Variants in SLC11A2 observed in about 807,000 individuals in gnomAD.
The protein encoded by SLC11A2 is natural resistance-associated macrophage protein 2.
In SLC11A2, 38 loss-of-function variants were observed where a neutral mutation model predicts 68.0. The ratio of observed to expected loss-of-function variants is 0.56; its 90% CI spans 0.43 to 0.73. The LOEUF is 0.73. Ranked by LOEUF, SLC11A2 falls within the 30% of genes least tolerant of loss-of-function variation. The pLI is 0.00. For synonymous variants in SLC11A2, 242 were observed against 250.6 expected (o/e 0.97, Z 0.32); for missense variants, 517 against 690.5 (o/e 0.75, Z 2.82).
At chr12:50,953,784 T>C in the SLC11A2 span, 7 of 503,936 alleles carry the variant, frequency 1.4e-5, no homozygotes, top group Admixed American at 3.4e-5. Context: ...ATTTCCTCTA[T>C]GTATTTTTTT....
At chr12:50,981,652 G>T, downstream of SLC11A2, 1 of 946,292 alleles carries the variant, frequency 1.1e-6, no homozygotes, top group Non-Finnish European at 1.6e-6. Context: ...TGAACTAACA[G>T]AGACGTTAAC....
chr12:50,986,742 C>G lies in SLC11A2; in HGVS notation c.*1583G>C. On this transcript the variant is annotated 3_prime_UTR_variant, in exon 16 of 16. Coordinates refer to ENST00000262052, the MANE Select transcript of SLC11A2 (RefSeq NM_000617.3). ...TGGTTAGGGGAATTGTCATTCATAA[C>G]TCTGTGCTATATTACTTGAGGGGCT... 2 of 1,287,094 alleles carry G rather than the reference C, an allele frequency of 1.6e-6. No homozygotes were observed. The highest frequency in any genetic ancestry group is 2.0e-6 in the Non-Finnish European group (2 of 988,646). 79.7% of individuals were successfully genotyped at this position (1,287,094 alleles called of 1,614,324 possible).
the SLC11A2 span, among the ~76,000 whole-genome samples, chr12:50,972,175 C>T: frequency 6.6e-6 from 1 of 152,188 alleles, no homozygotes; most frequent in African/African-American, 2.4e-5. Context: ...AAAAGTATTT[C>T]TAACCAGGCC....
intron 3 of SLC11A2, chr12:51,005,819 G>T: frequency 1.9e-6 from 1 of 524,446 alleles, no homozygotes; most frequent in Non-Finnish European, 3.1e-6. Context: ...GGACACTGAG[G>T]AGAGCAAACA....
intron 6 of SLC11A2, 69 bp downstream of exon 6, chr12:51,000,244 G>GT (rs1942085345): frequency 8.7e-7 from 1 of 1,148,760 alleles, no homozygotes; most frequent in African/African-American, 1.5e-5. Flanking sequence ...AATGAATTGG[G>GT]TTTTTGTTTT....
intron 3 of SLC11A2, among the ~76,000 whole-genome samples, chr12:51,007,129 T>C (rs1942795573): frequency 6.6e-6 from 1 of 152,146 alleles, no homozygotes; most frequent in Non-Finnish European, 1.5e-5. Flanking sequence ...TTGTCCCACC[T>C]TTCCTGATGG....
At position 50,991,659 on chromosome 12, in the gene SLC11A2, A is replaced by C; in HGVS notation, c.1361T>G (p.Leu454Arg). The change falls in exon 14 of 16, where the codon CTC becomes CGC. Residue 454 changes from leucine to arginine, a missense_variant. Transcript: ENST00000262052. ...VLQSLQLPFA[L>R]IPILTFTSLR... ...GCTCGTAAATGTGAGGATGGGTATG[A>C]GAGCAAAGGGAAGCTGGAAAAGAAA... The C allele has an allele frequency of 6.2e-7, 1 of 1,613,802 alleles. No individual in the cohort carries two copies. The highest frequency in any genetic ancestry group is 8.5e-7 in the Non-Finnish European group (1 of 1,179,836).
chr12:50,971,100 G>C, the SLC11A2 span, among the ~76,000 whole-genome samples: 1 of 152,054 alleles, frequency 6.6e-6, no homozygotes, highest in African/African-American at 2.4e-5. Context: ...GGCTGGTCTC[G>C]AACTCCTGAC....
At chr12:50,977,443 A>C (rs1277977344), downstream of SLC11A2, among the ~76,000 whole-genome samples, 1 of 152,244 alleles carries the variant, frequency 6.6e-6, no homozygotes, top group African/African-American at 2.4e-5. Context: ...GGTTAGCCAT[A>C]TGTAGAAAGC....
the SLC11A2 span, among the ~76,000 whole-genome samples, chr12:50,954,667 G>A: frequency 0.18 from 27,655 of 151,716 alleles, 2,883 homozygotes; most frequent in East Asian, 0.5. Flanking sequence ...TGCAGGTTGC[G>A]GTGAGCCAAG....
At chr12:51,015,658 G>A (rs556935468) in intron 1 of SLC11A2, among the ~76,000 whole-genome samples, 3 of 152,160 alleles carry the variant, frequency 2.0e-5, no homozygotes, top group South Asian at 2.1e-4. Context: ...CAGTTACTTC[G>A]TCACATTAAG....
chr12:50,969,225 C>T, the SLC11A2 span, among the ~76,000 whole-genome samples: 4 of 151,848 alleles, frequency 2.6e-5, no homozygotes. Context: ...ATCTGGGAGG[C>T]GGAGGCTGCA....
At chr12:51,000,206 A>G (rs1942083149) in intron 6 of SLC11A2, 107 bp downstream of exon 6, 2 of 799,592 alleles carry the variant, frequency 2.5e-6, no homozygotes, top group African/African-American at 3.4e-5. Context: ...AGAAGAAATA[A>G]CAATTGAGTT....
intron 3 of SLC11A2, chr12:51,006,112 T>C (rs1350820525): frequency 5.6e-6 from 1 of 179,526 alleles, no homozygotes; most frequent in African/African-American, 2.4e-5. Context: ...TGACCAACAC[T>C]TTAGTAGAGA....
chr12:51,017,969 A>C (rs755464369), intron 1 of SLC11A2, among the ~76,000 whole-genome samples: 24 of 152,190 alleles, frequency 1.6e-4, no homozygotes, highest in Non-Finnish European at 3.1e-4. Context: ...AATTATATGA[A>C]AATTAAGTTA....
In SLC11A2 at chr12:50,986,228, C is replaced by G; in HGVS notation, c.*2097G>C. The G allele has an allele frequency of 1.6e-6, 2 of 1,283,346 alleles. No individual in the cohort carries two copies. The highest frequency in any genetic ancestry group is 2.0e-6 in the Non-Finnish European group (2 of 985,150). The allele number at this position is 1,283,346 out of a possible 1,614,324, so 79.5% of individuals were successfully genotyped here. A position where few individuals can be genotyped will look rare whatever the true frequency, so the allele number is the denominator to read the frequency against. ...GTACAATTGTATATCCTTAAACATT[C>G]CACATAAACACACTGTCAAAACTCA... On this transcript the variant is annotated 3_prime_UTR_variant, in exon 16 of 16. Coordinates refer to ENST00000262052, the MANE Select transcript of SLC11A2 (RefSeq NM_000617.3).
intron 2 of SLC11A2, chr12:51,009,097 C>T: frequency 7.4e-7 from 1 of 1,358,658 alleles, no homozygotes; most frequent in Non-Finnish European, 1.0e-6. Context: ...TCCCCACCTC[C>T]TATATTTGGT....
At chr12:50,962,407 A>G in the SLC11A2 span, among the ~76,000 whole-genome samples, 3 of 149,438 alleles carry the variant, frequency 2.0e-5, no homozygotes, top group Non-Finnish European at 3.0e-5. Context: ...GTGAAACTCC[A>G]TCTAAAAAAA....
In SLC11A2 at chr12:50,988,136, A is replaced by G. The variant is rs927684512; in HGVS notation, c.*189T>C. Reference sequence around the variant, plus strand: ...AAAGATCCCACCCTAATCCAGTTCTAAGGTTAGGTCAGGAAGGAAAAAATA... The same window carrying G: ...AAAGATCCCACCCTAATCCAGTTCTGAGGTTAGGTCAGGAAGGAAAAAATA... On this transcript the variant is annotated 3_prime_UTR_variant, in exon 16 of 16. Coordinates refer to ENST00000262052, the MANE Select transcript of SLC11A2 (RefSeq NM_000617.3). 69 of 1,505,598 alleles carry G rather than the reference A, an allele frequency of 4.6e-5. No individual in the cohort carries two copies. The highest frequency in any genetic ancestry group is 6.1e-5 in the Non-Finnish European group (69 of 1,128,198). The allele number at this position is 1,505,598 out of a possible 1,614,324, so 93.3% of individuals were successfully genotyped here. A position where few individuals can be genotyped will look rare whatever the true frequency, so the allele number is the denominator to read the frequency against.
Sources: allele counts gnomAD v4.1 joint callset (sites outside exome capture counted in the v4.1 genomes callset), GRCh38; gene constraint gnomAD v4.1.1; transcripts MANE v1.5; gene names NCBI Gene and HGNC (gene_info 2026-07-23, HGNC 2026-07-21).